The following CUX1 variants were observed in gnomAD, a reference collection of about 807,000 sequenced individuals.
The protein encoded by CUX1 is protein CASP.
In CUX1, 31 loss-of-function variants were observed where a neutral mutation model predicts 158.8. The ratio of observed to expected loss-of-function variants is 0.20; its 90% CI spans 0.15 to 0.26. The LOEUF is 0.26. CUX1 is among the 10% of genes least tolerant of loss of function. CUX1 has a pLI of 1.00. For missense variants in CUX1, 1,589 were observed against 2,014.6 expected (o/e 0.79, Z 4.04); for synonymous variants, 879 against 862.1 (o/e 1.02, Z -0.34).
chr7:102,239,681 G>A (rs1256733939), intron 23 of CUX1, 97 bp downstream of exon 23: 21 of 1,431,096 alleles, frequency 1.5e-5, no homozygotes, highest in Non-Finnish European at 1.9e-5. Context: ...GGCTGGGGCC[G>A]GAGGTGGGGC....
chr7:102,108,736 T>TTGTGTGTG (rs10527026), intron 6 of CUX1, among the ~76,000 whole-genome samples: 8,796 of 144,980 alleles, frequency 0.061, 315 homozygotes, highest in African/African-American at 0.099. Context: ...TTCATTCATT[T>TTGTGTGTG]TGTGTGTGTG....
intron 2 of CUX1, among the ~76,000 whole-genome samples, chr7:101,978,376 T>A (rs577166906): frequency 6.6e-6 from 1 of 152,244 alleles, no homozygotes; most frequent in South Asian, 2.1e-4. Context: ...AACCTAGGTG[T>A]GCCCTGGGGC....
intron 2 of CUX1, among the ~76,000 whole-genome samples, chr7:101,929,929 C>T (rs1806100663): frequency 6.6e-6 from 1 of 152,130 alleles, no homozygotes; most frequent in African/African-American, 2.4e-5. Context: ...GCAACTTCTA[C>T]CTCCCGGGTT....
intron 8 of CUX1, among the ~76,000 whole-genome samples, chr7:102,133,926 C>T (rs1210846070): frequency 2.6e-5 from 4 of 152,162 alleles, no homozygotes; most frequent in Non-Finnish European, 5.9e-5. Flanking sequence ...CCCGTTGTTA[C>T]GGAGGTCACA....
chr7:102,231,486 CAA>C (rs548930575), intron 21 of CUX1, among the ~76,000 whole-genome samples: 136 of 152,168 alleles, frequency 8.9e-4, no homozygotes, highest in African/African-American at 3.2e-3. Context: ...TTCAGGCTCT[CAA>C]ATGGGTCTGT....
At chr7:102,229,368 C>T (rs1163882677) in intron 21 of CUX1, among the ~76,000 whole-genome samples, 2 of 149,226 alleles carry the variant, frequency 1.3e-5, no homozygotes, top group Non-Finnish European at 3.0e-5. Context: ...AGTGGCGCAA[C>T]CTCAGCTTAC....
intron 14 of CUX1, among the ~76,000 whole-genome samples, chr7:102,268,423 C>G (rs1790964900): frequency 6.6e-6 from 1 of 152,106 alleles, no homozygotes; most frequent in Non-Finnish European, 1.5e-5. Context: ...ATTGACCCTC[C>G]TGCCTCATCT....
intron 3 of CUX1, among the ~76,000 whole-genome samples, chr7:102,035,280 T>G (rs1318774516): frequency 6.6e-6 from 1 of 152,132 alleles, no homozygotes. Context: ...CCATGCCGTT[T>G]GTCAGTTTCA....
At chr7:101,967,295 G>A (rs920844501) in intron 2 of CUX1, among the ~76,000 whole-genome samples, 1 of 152,202 alleles carries the variant, frequency 6.6e-6, no homozygotes, top group African/African-American at 2.4e-5. Context: ...GATTACAGGC[G>A]TGAGCCACCG....
intron 8 of CUX1, among the ~76,000 whole-genome samples, chr7:102,143,671 C>T (rs1834710352): frequency 6.6e-6 from 1 of 152,124 alleles, no homozygotes; most frequent in African/African-American, 2.4e-5. Context: ...ACATTTTTTT[C>T]CCCTTGGCAA....
rs372968 is a variant in CUX1, at chr7:102,217,651, A to C, written c.3131-9716A>C. 1.2e-4 allele frequency among the ~76,000 whole-genome samples: 17 copies of C among 138,934 alleles called. No individual in the cohort carries two copies. The East Asian group carries it at 1.4e-3, about 12-fold the overall frequency. 91.1% of individuals were successfully genotyped at this position (138,934 alleles called of 152,430 possible). ...TAGAGGGAGGGAGGCTCTGGATGGA[A>C]GCAATGGTGTCTAGAGGGAGGGAGG... On this transcript the variant is annotated intron_variant, in intron 20 of 23. Transcript: ENST00000292535.
intron 2 of CUX1, among the ~76,000 whole-genome samples, chr7:101,981,885 C>G (rs1326160614): frequency 1.3e-5 from 2 of 152,210 alleles, no homozygotes; most frequent in African/African-American, 2.4e-5. Flanking sequence ...GCTGGGATTA[C>G]AGGCGTGAGC....
intron 19 of CUX1, among the ~76,000 whole-genome samples, chr7:102,204,832 A>G (rs1795788046): frequency 6.6e-6 from 1 of 152,272 alleles, no homozygotes. Context: ...AATGCTGTTT[A>G]TACATAAATA....
At position 102,115,151 on chromosome 7, in the gene CUX1, G is replaced by A. The variant is rs1585743275; in HGVS notation, c.608-56G>A. ...CTTTTGAAATGGGAATAGATTACCT[G>A]TGTATGCATTCTTTTAAAATTTCAT... On this transcript the variant is annotated intron_variant, in intron 7 of 23. Coordinates refer to ENST00000292535, the MANE Select transcript of CUX1 (RefSeq NM_181552.4). 2.8e-6 allele frequency: 4 copies of A among 1,433,304 alleles called. No individual in the cohort carries two copies. In the East Asian group the frequency reaches 9.2e-5, roughly 33 times the overall value. The allele number at this position is 1,433,304 out of a possible 1,614,324, so 88.8% of individuals were successfully genotyped here.
intron 1 of CUX1, among the ~76,000 whole-genome samples, chr7:101,875,989 A>G (rs1399141796): frequency 6.6e-6 from 1 of 152,192 alleles, no homozygotes; most frequent in Non-Finnish European, 1.5e-5. Flanking sequence ...TGCATTATTC[A>G]GATATTTTCT....
intron 2 of CUX1, among the ~76,000 whole-genome samples, chr7:101,935,847 T>C (rs1434163240): frequency 6.6e-6 from 1 of 152,186 alleles, no homozygotes; most frequent in African/African-American, 2.4e-5. Flanking sequence ...GGGAGTCACA[T>C]GGCCAGGCTC....
chr7:101,873,162 C>T (rs1431386851), intron 1 of CUX1, among the ~76,000 whole-genome samples: 2 of 149,016 alleles, frequency 1.3e-5, no homozygotes, highest in East Asian at 1.9e-4. Flanking sequence ...TGAGCCACCG[C>T]GCCTGGCCTC....
chr7:102,183,568 A>G (rs1187631546), intron 11 of CUX1, among the ~76,000 whole-genome samples: 1 of 152,036 alleles, frequency 6.6e-6, no homozygotes, highest in Non-Finnish European at 1.5e-5. Flanking sequence ...GTCCTTATCT[A>G]TGGAGAGTCC....
At chr7:102,026,826 A>G (rs1170834784) in intron 2 of CUX1, among the ~76,000 whole-genome samples, 5 of 151,316 alleles carry the variant, frequency 3.3e-5, no homozygotes, top group African/African-American at 9.7e-5. Flanking sequence ...TTTAAAAAAA[A>G]AAAAAAAAAA....
Sources: allele counts gnomAD v4.1 joint callset (sites outside exome capture counted in the v4.1 genomes callset), GRCh38; gene constraint gnomAD v4.1.1; transcripts MANE v1.5; gene names NCBI Gene and HGNC (gene_info 2026-07-23, HGNC 2026-07-21).